The following ECHDC3 variants were observed in gnomAD, a reference collection of about 807,000 sequenced individuals.
ECHDC3 encodes enoyl-CoA hydratase domain containing 3, also known as enoyl-CoA hydratase domain-containing protein 3, mitochondrial.
Under a neutral mutation model 17.9 loss-of-function variants are expected in ECHDC3, and 20 were observed. The ratio of observed to expected loss-of-function variants is 1.12; its 90% confidence interval spans 0.79 to 1.63. The LOEUF (loss-of-function observed/expected upper bound fraction) is 1.63, where lower values mean the gene tolerates loss of function less well. Among genes scored for constraint, ECHDC3 ranks in the 40% most tolerant of loss-of-function variants. ECHDC3 has a pLI of 0.00. For synonymous variants in ECHDC3, 177 were observed against 149.7 expected (o/e 1.18, Z -1.33); for missense variants, 407 against 357.7 (o/e 1.14, Z -1.11).
At chr10:11,749,383 C>T in intron 2 of ECHDC3, 112 bp from the exon 3 acceptor site, 3 of 923,774 alleles carry the variant, frequency 3.2e-6, no homozygotes, top group Non-Finnish European at 4.9e-6. Flanking sequence ...CATTAACTTG[C>T]TCTAAGTGAA....
rs892439939 is a variant in ECHDC3, at chr10:11,758,065, C to T, written c.591+2457C>T. 9.9e-5 allele frequency among the ~76,000 whole-genome samples: 15 copies of T among 152,230 alleles called. No individual in the cohort carries two copies. In the East Asian group the frequency reaches 2.3e-3, roughly 24 times the overall value. On this transcript the variant is annotated intron_variant, in intron 4 of 4. Transcript: ENST00000379215. ...CCTGGGCAGGAAGTTGGGCCTGTCT[C>T]ACACTGGATAAGACAACATGTATGG...
rs12258196 is a variant in ECHDC3, at chr10:11,763,355, A to G, written c.723A>G (p.Ala241=). 0.56 allele frequency: 437,705 copies of G among 778,558 alleles called. 124,732 individuals carry two copies. The highest frequency in any genetic ancestry group is 0.59 in the South Asian group (44,041 of 74,564). 48.2% of individuals were successfully genotyped at this position (778,558 alleles called of 1,614,324 possible). A position where few individuals can be genotyped will look rare whatever the true frequency, so the allele number is the denominator to read the frequency against. ...EETMRIARKI[A]SLSRPVVSLG... ...CCATGCGGATCGCTAGGAAGATCGCATCGCTGAGCCGTCCGGTGGTGTCCC... is the reference window on the plus strand; with the variant it reads ...CCATGCGGATCGCTAGGAAGATCGCGTCGCTGAGCCGTCCGGTGGTGTCCC... Residue 241 remains alanine, a synonymous_variant, in exon 5 of 5, where the codon GCA becomes GCG. Coordinates refer to ENST00000379215, the MANE Select transcript of ECHDC3 (RefSeq NM_024693.5). The surrounding 1 kb of genome is among the most constrained non-coding windows in gnomAD (Gnocchi z 4.9).
In ECHDC3 at chr10:11,742,825, C is replaced by T. The variant is rs74989128; in HGVS notation, c.170+79C>T. ...CGCCGCCATTGACCCGGGGAGGACC[C>T]GGGGAACCGGAGCCCCGTTTACGCC... On this transcript the variant is annotated intron_variant, in intron 1 of 4. Coordinates refer to ENST00000379215, the MANE Select transcript of ECHDC3 (RefSeq NM_024693.5). 4.4e-3 allele frequency: 5,315 copies of T among 1,216,866 alleles called. 190 individuals are homozygous for T. The African/African-American group carries it at 0.075, about 17-fold the overall frequency. 75.4% of individuals were successfully genotyped at this position (1,216,866 alleles called of 1,614,324 possible).
chr10:11,747,225 C>T, intron 1 of ECHDC3, 124 bp from the exon 2 acceptor site: 2 of 1,292,394 alleles, frequency 1.5e-6, no homozygotes, highest in Non-Finnish European at 2.1e-6. Flanking sequence ...TAAATTGGCA[C>T]TAAGCCCCAG....
chr10:11,747,689 C>G (rs865942209), intron 2 of ECHDC3, among the ~76,000 whole-genome samples: 1 of 152,214 alleles, frequency 6.6e-6, no homozygotes, highest in African/African-American at 2.4e-5. Flanking sequence ...GAAACTATGT[C>G]TTTTCCTTTT....
At chr10:11,746,657 C>G (rs1373963455) in intron 1 of ECHDC3, among the ~76,000 whole-genome samples, 1 of 151,966 alleles carries the variant, frequency 6.6e-6, no homozygotes, top group African/African-American at 2.4e-5. Flanking sequence ...AAAATTGGGT[C>G]GGGCATGGTG....
At chr10:11,757,196 C>T (rs4750102) in intron 4 of ECHDC3, among the ~76,000 whole-genome samples, 142,382 of 152,280 alleles carry the variant, frequency 0.94, 67,370 homozygotes, top group East Asian at 1. Flanking sequence ...ACACCTGATG[C>T]GCTGGAAGGT....
At chr10:11,753,391 T>A (rs1832849171) in intron 3 of ECHDC3, among the ~76,000 whole-genome samples, 1 of 151,886 alleles carries the variant, frequency 6.6e-6, no homozygotes, top group African/African-American at 2.4e-5. Context: ...AAAAAAAAAA[T>A]TAATAATTAT....
At chr10:11,759,818 A>G (rs894956495) in intron 4 of ECHDC3, among the ~76,000 whole-genome samples, 1 of 152,258 alleles carries the variant, frequency 6.6e-6, no homozygotes, top group Non-Finnish European at 1.5e-5. Context: ...TAGGTGTTGC[A>G]TTCACTGGGT....
chr10:11,743,048 A>T (rs1212466676), intron 1 of ECHDC3: 2 of 297,476 alleles, frequency 6.7e-6, no homozygotes, highest in African/African-American at 4.4e-5. Flanking sequence ...GCCCTAGGGG[A>T]AGTGTGGGCT....
In ECHDC3 at chr10:11,763,298, G is replaced by A; in HGVS notation, c.666G>A (p.Lys222=). 3 of 780,360 alleles carry A rather than the reference G, an allele frequency of 3.8e-6. No individual in the cohort carries two copies. The highest frequency in any genetic ancestry group is 7.2e-6 in the Non-Finnish European group (3 of 418,110). 48.3% of individuals were successfully genotyped at this position (780,360 alleles called of 1,614,324 possible). The change falls in exon 5 of 5, where the codon AAG becomes AAA. Residue 222 remains lysine (K), a synonymous_variant. Transcript: ENST00000379215. This position sits in a 1 kb window ranked among gnomAD's most constrained non-coding sequence, Gnocchi z 4.9. The part of the protein sequence containing the change: ...QEALLHGLLS[K]VVPEAELQEE... ...CCCTGCTCCACGGGCTGCTTAGCAA[G>A]GTGGTGCCAGAGGCGGAGCTGCAGG...
chr10:11,746,044 G>A (rs1832755274), intron 1 of ECHDC3, among the ~76,000 whole-genome samples: 2 of 152,032 alleles, frequency 1.3e-5, no homozygotes, highest in African/African-American at 2.4e-5. Context: ...AAGAAAAGAC[G>A]GGCCTAGGTG....
At chr10:11,759,025 T>A (rs1832915998) in intron 4 of ECHDC3, among the ~76,000 whole-genome samples, 1 of 152,146 alleles carries the variant, frequency 6.6e-6, no homozygotes, top group African/African-American at 2.4e-5. Flanking sequence ...ATCATGAGTA[T>A]GGAGCCCTTG....
At chr10:11,758,305 C>T (rs781734482) in intron 4 of ECHDC3, among the ~76,000 whole-genome samples, 33 of 152,200 alleles carry the variant, frequency 2.2e-4, no homozygotes, top group Non-Finnish European at 4.6e-4. Flanking sequence ...GCAGCTGCTC[C>T]GTTCCCAGGC....
At chr10:11,759,757 C>T (rs1345645961) in intron 4 of ECHDC3, among the ~76,000 whole-genome samples, 1 of 152,144 alleles carries the variant, frequency 6.6e-6, no homozygotes, top group East Asian at 1.9e-4. Flanking sequence ...ATTTAAAAGC[C>T]AGCATTAGAG....
intron 2 of ECHDC3, among the ~76,000 whole-genome samples, chr10:11,749,037 C>T (rs1832794528): frequency 6.6e-6 from 1 of 152,216 alleles, no homozygotes; most frequent in South Asian, 2.1e-4. Flanking sequence ...TCCGAGGTCT[C>T]TTCCTACCCT....
In ECHDC3 at chr10:11,755,586, T is replaced by G. The variant is rs148433815; in HGVS notation, c.569T>G (p.Leu190Trp). The G allele has an allele frequency of 1.0e-4, 169 of 1,613,432 alleles. 2 individuals carry two copies. Among genetic ancestry groups the G allele is most frequent in the Middle Eastern group, 4.9e-4 (3 of 6,084 alleles). ...TTCTGTTCTACCCCTGGGGTTGCCT[T>G]GGCAAGAGCAGTGCCTAGAAAGGTA... ...GLFCSTPGVALARAVPRKVAL... is the reference protein window; with the variant it reads ...GLFCSTPGVAWARAVPRKVAL... The change falls in exon 4 of 5, where the codon TTG becomes TGG. Residue 190 changes from leucine to tryptophan, a missense_variant. By Grantham distance (61) the Leu-to-Trp change is moderately conservative. Transcript: ENST00000379215.
At chr10:11,755,374 G>C in intron 3 of ECHDC3, 34 bp from the exon 4 acceptor site, 1 of 1,576,908 alleles carries the variant, frequency 6.3e-7, no homozygotes, top group South Asian at 1.1e-5. Context: ...GCCTCCCTCT[G>C]GGTGGAAATG....
intron 4 of ECHDC3, among the ~76,000 whole-genome samples, chr10:11,762,608 G>A (rs905719702): frequency 3.3e-5 from 5 of 152,150 alleles, no homozygotes; most frequent in East Asian, 1.9e-4. Context: ...GGGCTCCCCC[G>A]CTCTTCACCA....
Sources: gnomAD v4.1 joint callset for allele counts (sites outside exome capture counted in the v4.1 genomes callset) on GRCh38, gnomAD v4.1.1 for gene constraint, Gnocchi (gnomAD v3.1) non-coding constraint, MANE v1.5 for transcripts, NCBI Gene and HGNC (gene_info 2026-07-23, HGNC 2026-07-21) for gene names.